Variants in EPS8 observed in about 807,000 individuals in gnomAD.
EPS8 encodes epidermal growth factor receptor kinase substrate 8.
In EPS8, 42 loss-of-function variants were observed where a neutral mutation model predicts 103.8. That is an observed-to-expected ratio of 0.40 (90% confidence interval 0.32 to 0.52). The LOEUF is 0.52. Among genes scored for constraint, EPS8 ranks in the 20% least tolerant of loss-of-function variants. The pLI is 0.40. For missense variants in EPS8, 969 were observed against 1,005.1 expected (o/e 0.96, Z 0.49); for synonymous variants, 344 against 344.6 (o/e 1.00, Z 0.02).
chr12:15,696,306 A>G lies in EPS8; in HGVS notation c.-21-13334T>C, dbSNP rs1946242204. 6.6e-6 allele frequency among the ~76,000 whole-genome samples: 1 copy of G among 152,146 alleles called. No homozygotes were observed. The highest frequency in any genetic ancestry group is 2.4e-5 in the African/African-American group (1 of 41,440). ...TGAAGAAACACAAAAATAAAACAGT[A>G]AAATCTATAAAACACTAACTTTAGA... is the stretch of plus-strand genomic sequence containing the variant. On this transcript the variant is annotated intron_variant, in intron 1 of 20. Coordinates refer to ENST00000281172, the MANE Select transcript of EPS8 (RefSeq NM_004447.6). The surrounding 1 kb of genome is among the most constrained non-coding windows in gnomAD (Gnocchi z 4.8).
At chr12:15,715,220 A>G (rs1285541671) in intron 1 of EPS8, among the ~76,000 whole-genome samples, 2 of 152,104 alleles carry the variant, frequency 1.3e-5, no homozygotes, top group African/African-American at 2.4e-5. Flanking sequence ...CCTTTCTCCA[A>G]CTGGGGACAA....
At position 15,631,652 on chromosome 12, in the gene EPS8, C is replaced by G; in HGVS notation, c.1834G>C (p.Glu612Gln). ...YTHTIQKQRM[E>Q]YGPRPADTPP... ...GTATCAGCTGGTCTTGGGCCATACT[C>G]CATCCTTTGTTTCTATAAAAAGACA... Residue 612 changes from glutamate (E) to glutamine (Q), a missense_variant, in exon 18 of 21, where the codon GAG becomes CAG. Glu to Gln is a conservative substitution (Grantham distance 29, BLOSUM62 2). Transcript: ENST00000281172. 6.2e-7 allele frequency: 1 copy of G among 1,610,532 alleles called. No individual in the cohort carries two copies. The highest frequency in any genetic ancestry group is 1.7e-4 in the Middle Eastern group (1 of 6,012).
Position 15,713,783 on chromosome 12 carries a change from C to T in EPS8, c.-21-30811G>A, listed in dbSNP as rs1946497664. Among the ~76,000 whole-genome samples the T allele has an allele frequency of 6.6e-6, 1 of 152,186 alleles. No individual in the cohort carries two copies. The highest frequency in any genetic ancestry group is 1.5e-5 in the Non-Finnish European group (1 of 68,034). Reference sequence around the variant, plus strand: ...TGGTGTCGGGGAGGAGAAATTCACTCATAGTCATATTAAGACTTAAGAGAG... The same window carrying T: ...TGGTGTCGGGGAGGAGAAATTCACTTATAGTCATATTAAGACTTAAGAGAG... On this transcript the variant is annotated intron_variant, in intron 1 of 20. Transcript: ENST00000281172. This position sits in a 1 kb window ranked among gnomAD's most constrained non-coding sequence, Gnocchi z 4.8.
chr12:15,714,950 A>C lies in EPS8; in HGVS notation c.-21-31978T>G, dbSNP rs1946512442. On this transcript the variant is annotated intron_variant, in intron 1 of 20. Coordinates refer to ENST00000281172, the MANE Select transcript of EPS8 (RefSeq NM_004447.6). This position sits in a 1 kb window ranked among gnomAD's most constrained non-coding sequence, Gnocchi z 4.1. The stretch of plus-strand genomic sequence containing the variant: ...TATGCTGCAACTCCTTATTCCTGAA[A>C]ATTCTGACCCATCCCCTGGGCCATT... 6.6e-6 allele frequency among the ~76,000 whole-genome samples: 1 copy of C among 152,108 alleles called. No homozygotes were observed. The highest frequency in any genetic ancestry group is 1.5e-5 in the Non-Finnish European group (1 of 68,008).
intron 9 of EPS8, 133 bp downstream of exon 9, chr12:15,661,893 A>C (rs551001403): frequency 1.4e-4 from 93 of 684,774 alleles, no homozygotes; most frequent in Admixed American, 3.7e-4. Flanking sequence ...TTCAAAGGGC[A>C]TAGCCATCAC....
chr12:15,741,080 A>AGG (rs1277021997), intron 1 of EPS8, among the ~76,000 whole-genome samples: 1 of 152,154 alleles, frequency 6.6e-6, no homozygotes, highest in Non-Finnish European at 1.5e-5. Flanking sequence ...ATATCTAAAA[A>AGG]ATGCTCTTCA....
At chr12:15,663,953 A>AATAATAAT (rs1565487324) in intron 8 of EPS8, among the ~76,000 whole-genome samples, 1 of 27,336 alleles carries the variant, frequency 3.7e-5, no homozygotes, top group African/African-American at 2.6e-4. Flanking sequence ...AAAATAATAT[A>AATAATAAT]TATATATATA....
chr12:15,669,972 A>G (rs1303961010), intron 4 of EPS8, 147 bp from the exon 5 acceptor site: 1 of 560,298 alleles, frequency 1.8e-6, no homozygotes, highest in African/African-American at 1.9e-5. Flanking sequence ...CTTCATGACT[A>G]TTTTAATGAG....
intron 8 of EPS8, 68 bp from the exon 9 acceptor site, chr12:15,662,167 C>T: frequency 2.6e-6 from 4 of 1,563,202 alleles, no homozygotes; most frequent in Admixed American, 1.7e-5. Flanking sequence ...ACAATTAAAA[C>T]ATAAAAATTA....
intron 1 of EPS8, among the ~76,000 whole-genome samples, chr12:15,741,047 A>G (rs1946815943): frequency 6.6e-6 from 1 of 152,204 alleles, no homozygotes; most frequent in South Asian, 2.1e-4. Context: ...CCCACAAAGA[A>G]GACCCTACCC....
chr12:15,627,408 G>C (rs896074839), intron 18 of EPS8, among the ~76,000 whole-genome samples: 2 of 151,988 alleles, frequency 1.3e-5, no homozygotes, highest in South Asian at 4.2e-4. Context: ...TACGTGGAAC[G>C]GTGCTTTAAT....
At chr12:15,683,811 T>G (rs1263116762) in intron 1 of EPS8, 1 of 152,202 alleles carries the variant, frequency 6.6e-6, no homozygotes, top group Non-Finnish European at 1.5e-5. Flanking sequence ...GGATATTTGG[T>G]CCTCTCCGGG....
In EPS8 at chr12:15,743,218, C is replaced by A. The variant is rs1225570425; in HGVS notation, c.-22+45943G>T. Among the ~76,000 whole-genome samples, 3 of 152,216 alleles carry A rather than the reference C, an allele frequency of 2.0e-5. No individual in the cohort carries two copies. In the East Asian group the frequency reaches 5.8e-4, roughly 29 times the overall value. ...TCCAATTTACAAGGGATGTGAAGGACCTCTTCAAGGAGAACTACAAACCAC... is the reference window on the plus strand; with the variant it reads ...TCCAATTTACAAGGGATGTGAAGGAACTCTTCAAGGAGAACTACAAACCAC... On this transcript the variant is annotated intron_variant, in intron 1 of 20. Coordinates refer to ENST00000281172, the MANE Select transcript of EPS8 (RefSeq NM_004447.6).
rs1001749439 is a variant in EPS8, at chr12:15,654,166, C to T, written c.1229G>A (p.Gly410Glu). 1.2e-6 allele frequency: 2 copies of T among 1,613,790 alleles called. No individual in the cohort carries two copies. Among genetic ancestry groups the T allele is most frequent in the African/African-American group, 1.3e-5 (1 of 75,006 alleles). Residue 410 changes from glycine (G) to glutamate (E), a missense_variant, in exon 13 of 21, where the codon GGA becomes GAA. Coordinates refer to ENST00000281172, the MANE Select transcript of EPS8 (RefSeq NM_004447.6). ...TTACCTGGCTTTCATCCAAGTTCCT[C>T]CCAATGACATCCACAGCTGCCGTTC... ...GDERQLWMSL[G>E]GTWMKARAEW...
rs1945052433 is a variant in EPS8, at chr12:15,631,840, T to C, written c.1822-176A>G. ...ACCATTAAAAATCATATTTTAAACA[T>C]TCTACATAATTTGTTCAAAGTCAAA... On this transcript the variant is annotated intron_variant, in intron 17 of 20. Transcript: ENST00000281172. The C allele has an allele frequency of 5.5e-5, 30 of 544,902 alleles. No individual in the cohort carries two copies. The South Asian group carries it at 7.1e-4, about 13-fold the overall frequency. 33.8% of individuals were successfully genotyped at this position (544,902 alleles called of 1,614,324 possible).
intron 10 of EPS8, among the ~76,000 whole-genome samples, chr12:15,659,831 T>C (rs1203196002): frequency 6.6e-6 from 1 of 152,216 alleles, no homozygotes; most frequent in Non-Finnish European, 1.5e-5. Context: ...CAAAATTGTC[T>C]GTATGTGACT....
At chr12:15,630,687 A>G (rs1470531276) in intron 18 of EPS8, among the ~76,000 whole-genome samples, 1 of 152,122 alleles carries the variant, frequency 6.6e-6, no homozygotes, top group African/African-American at 2.4e-5. Context: ...TGAATAGCAA[A>G]CAAGAGGAAG....
At chr12:15,722,604 C>G (rs371784256) in intron 1 of EPS8, among the ~76,000 whole-genome samples, 1 of 152,098 alleles carries the variant, frequency 6.6e-6, no homozygotes, top group Non-Finnish European at 1.5e-5. Flanking sequence ...GCATTCAGAC[C>G]GCTATAGCAA....
chr12:15,750,865 A>G (rs1180644484), intron 1 of EPS8, among the ~76,000 whole-genome samples: 6 of 152,224 alleles, frequency 3.9e-5, no homozygotes, highest in African/African-American at 1.4e-4. Flanking sequence ...ACTCAAAAAG[A>G]AGCATCTTAT....
Sources: allele counts gnomAD v4.1 joint callset (sites outside exome capture counted in the v4.1 genomes callset), GRCh38; gene constraint gnomAD v4.1.1; non-coding constraint Gnocchi (gnomAD v3.1); transcripts MANE v1.5; gene names NCBI Gene and HGNC (gene_info 2026-07-23, HGNC 2026-07-21).